TM6SF2: variants seen among roughly 807,000 people sequenced by gnomAD.
TM6SF2 encodes transmembrane 6 superfamily member 2.
In TM6SF2, 29 loss-of-function variants were observed where a neutral mutation model predicts 41.0. The observed-to-expected ratio is 0.71, with a 90% CI of 0.53 to 0.96. TM6SF2 has a LOEUF of 0.96. Ranked by LOEUF, TM6SF2 falls within the 50% of genes least tolerant of loss-of-function variation. The pLI is 0.00. For missense variants in TM6SF2, 475 were observed against 499.0 expected (o/e 0.95, Z 0.46); for synonymous variants, 200 against 209.1 (o/e 0.96, Z 0.37).
In TM6SF2 at chr19:19,270,280, T is replaced by TG. The variant is rs764151271; in HGVS notation, c.298-5dup. ...CTGTGCGCAGGTATGGCTCTCCCTG[T>TG]GGGGGCAGGTGGGAGACTCAGACGG... On this transcript the variant is annotated splice_region_variant and splice_polypyrimidine_tract_variant and intron_variant, in intron 3 of 9. Coordinates refer to ENST00000389363, the MANE Select transcript of TM6SF2 (RefSeq NM_001001524.3). 1 of 1,614,018 alleles carries TG rather than the reference T, an allele frequency of 6.2e-7. No homozygotes were observed. Among genetic ancestry groups the TG allele is most frequent in the African/African-American group, 1.3e-5 (1 of 74,928 alleles).
At position 19,270,374 on chromosome 19, in the gene TM6SF2, C is replaced by T; in HGVS notation, c.268G>A (p.Val90Met). 4 of 1,613,676 alleles carry T rather than the reference C, an allele frequency of 2.5e-6. No individual in the cohort carries two copies. In the South Asian group the frequency reaches 4.4e-5, roughly 18 times the overall value. The change falls in exon 3 of 10, where the codon GTG becomes ATG. Residue 90 changes from valine (V) to methionine (M), a missense_variant. Val to Met is a conservative substitution (Grantham distance 21). Transcript: ENST00000389363. ...IIALQEDSYV[V>M]GFMEFYTKEG... is the part of the protein sequence containing the mutation. ...TTGGTGTAGAACTCCATGAAGCCCA[C>T]CACATAGCTGTCTTCCTGAAGAGCG...
In TM6SF2 at chr19:19,270,207, G is replaced by C; in HGVS notation, c.367C>G (p.Leu123Val). 1 of 1,614,124 alleles carries C rather than the reference G, an allele frequency of 6.2e-7. No homozygotes were observed. The highest frequency in any genetic ancestry group is 1.1e-5 in the South Asian group (1 of 91,064). ...ATGGCGCCGGCCATGGCCAGGTAGA[G>C]GAGGTAGTGAACAGTGCCATCCCAG... ...CYWDGTVHYL[L>V]YLAMAGAICR... The change falls in exon 4 of 10, where the codon CTC becomes GTC. Residue 123 changes from leucine (L) to valine (V), a missense_variant. Physicochemically the swap from Leu to Val is conservative, Grantham distance 32. Transcript: ENST00000389363.
intron 9 of TM6SF2, 46 bp from the exon 10 acceptor site, chr19:19,264,919 C>T (rs1186335669): frequency 7.1e-7 from 1 of 1,417,270 alleles, no homozygotes; most frequent in Non-Finnish European, 9.3e-7. Flanking sequence ...CAGGAAGGAA[C>T]TGAAATCCCA....
rs754831597 is a variant in TM6SF2, at chr19:19,270,304, G to T, written c.298-28C>A. On this transcript the variant is annotated intron_variant, in intron 3 of 9. Transcript: ENST00000389363. ...GTGGGGGCAGGTGGGAGACTCAGAC[G>T]GGCAGTGCGGTAGGGGGCTCCCTGG... 2.5e-6 allele frequency: 4 copies of T among 1,614,186 alleles called. No individual in the cohort carries two copies. In the East Asian group the frequency reaches 6.7e-5, roughly 27 times the overall value.
At position 19,268,019 on chromosome 19, in the gene TM6SF2, G is replaced by A; in HGVS notation, c.678C>T (p.Ile226=). The change falls in exon 7 of 10, where the codon ATC becomes ATT. Residue 226 remains isoleucine (I), a synonymous_variant. Coordinates refer to ENST00000389363, the MANE Select transcript of TM6SF2 (RefSeq NM_001001524.3). The part of the protein sequence containing the change: ...PADLALVIYL[I]LAGFFTLFRG... The stretch of plus-strand genomic sequence containing the variant: ...GGAACAGAGTGAAGAAGCCAGCAAG[G>A]ATGAGATATATGACAAGGGCCAGGT... The A allele has an allele frequency of 6.2e-7, 1 of 1,614,050 alleles. No individual in the cohort carries two copies. The highest frequency in any genetic ancestry group is 1.1e-5 in the South Asian group (1 of 91,074).
In TM6SF2 at chr19:19,273,127, A is replaced by G; in HGVS notation, c.89T>C (p.Leu30Pro). Residue 30 changes from leucine (L) to proline (P), a missense_variant, in exon 1 of 10, where the codon CTC becomes CCC. Leu to Pro is a moderately conservative substitution (Grantham distance 98). Coordinates refer to ENST00000389363, the MANE Select transcript of TM6SF2 (RefSeq NM_001001524.3). ...VSYALNHVSA[L>P]SHPLWVALMS... ...GGCCCCTCTCCGCACGCACTGCGAG[A>G]GCGCCGAGACGTGGTTGAGCGCGTA... is the stretch of plus-strand genomic sequence containing the variant. 2.1e-6 allele frequency: 3 copies of G among 1,412,466 alleles called. No individual in the cohort carries two copies. The highest frequency in any genetic ancestry group is 1.9e-6 in the Non-Finnish European group (2 of 1,078,970). The allele number at this position is 1,412,466 out of a possible 1,614,324, so 87.5% of individuals were successfully genotyped here.
At chr19:19,267,399 AGAAAAGAAAG>A (rs1197474485) in intron 8 of TM6SF2, among the ~76,000 whole-genome samples, 2 of 151,484 alleles carry the variant, frequency 1.3e-5, no homozygotes, top group African/African-American at 2.4e-5. Flanking sequence ...AAAGAAAGAA[AGAAAAGAAAG>A]GAAAAGAAAA....
At position 19,270,280 on chromosome 19, in the gene TM6SF2, TG is replaced by T. The variant is rs764151271; in HGVS notation, c.298-5del. ...CTGTGCGCAGGTATGGCTCTCCCTG[TG>T]GGGGCAGGTGGGAGACTCAGACGGG... On this transcript the variant is annotated splice_polypyrimidine_tract_variant and splice_region_variant and intron_variant, in intron 3 of 9. Coordinates refer to ENST00000389363, the MANE Select transcript of TM6SF2 (RefSeq NM_001001524.3). 2 of 1,614,138 alleles carry T rather than the reference TG, an allele frequency of 1.2e-6. No homozygotes were observed. The highest frequency in any genetic ancestry group is 2.7e-5 in the African/African-American group (2 of 75,050).
Position 19,264,737 on chromosome 19 carries a change from C to A in TM6SF2, c.1061G>T (p.Cys354Phe). ...ALGPHLLAYR[C>F]LQWPAFFHQP... ...GTGGAAGAATGCGGGCCACTGAAGGCAACGGTAGGCCAGCAGGTGGGGGCC... is the reference window on the plus strand; with the variant it reads ...GTGGAAGAATGCGGGCCACTGAAGGAAACGGTAGGCCAGCAGGTGGGGGCC... The change falls in exon 10 of 10, where the codon TGC (cysteine) becomes TTC (phenylalanine). Residue 354 changes from cysteine (C) to phenylalanine (F), a missense_variant. This residue lies in a region of TM6SF2 where 190 missense variants were observed against 190.2 expected (regional missense o/e 1.00). Coordinates refer to ENST00000389363, the MANE Select transcript of TM6SF2 (RefSeq NM_001001524.3). 2 of 1,603,844 alleles carry A rather than the reference C, an allele frequency of 1.2e-6. No homozygotes were observed. The highest frequency in any genetic ancestry group is 1.1e-5 in the South Asian group (1 of 89,292).
chr19:19,267,828 G>T, intron 7 of TM6SF2, 115 bp from the exon 8 acceptor site: 1 of 1,169,370 alleles, frequency 8.6e-7, no homozygotes, highest in Non-Finnish European at 1.2e-6. Flanking sequence ...CTCAAGTTGG[G>T]CTGGCTGGGA....
intron 4 of TM6SF2, 148 bp from the exon 5 acceptor site, chr19:19,269,917 G>C (rs1054088404): frequency 8.6e-6 from 13 of 1,519,774 alleles, no homozygotes; most frequent in African/African-American, 1.4e-5. Flanking sequence ...AGTTGAACGG[G>C]GAAATAACAG....
At position 19,266,522 on chromosome 19, in the gene TM6SF2, A is replaced by C. The variant is rs1449359593; in HGVS notation, c.892T>G (p.Trp298Gly). 1 of 1,613,794 alleles carries C rather than the reference A, an allele frequency of 6.2e-7. No individual in the cohort carries two copies. The highest frequency in any genetic ancestry group is 1.3e-5 in the African/African-American group (1 of 74,944). Reference sequence around the variant, plus strand: ...ATGCCTCCAGCAAACACCAAGGCCCAGTCTGGAAGCCAGGAGCAACCAGGG... The same window carrying C: ...ATGCCTCCAGCAAACACCAAGGCCCCGTCTGGAAGCCAGGAGCAACCAGGG... ...TFPGCSWLPD[W>G]ALVFAGGIGQ... Residue 298 changes from tryptophan to glycine, a missense_variant, in exon 9 of 10, where the codon TGG (tryptophan) becomes GGG (glycine). Transcript: ENST00000389363.
At position 19,266,513 on chromosome 19, in the gene TM6SF2, C is replaced by A. The variant is rs201595252; in HGVS notation, c.901G>T (p.Val301Leu). The A allele has an allele frequency of 5.8e-5, 93 of 1,614,078 alleles. No homozygotes were observed. In the African/African-American group the frequency reaches 9.5e-4, roughly 16 times the overall value. The change falls in exon 9 of 10, where the codon GTG becomes TTG. Residue 301 changes from valine (V) to leucine (L), a missense_variant. By Grantham distance (32) the Val-to-Leu change is conservative (BLOSUM62 1). Transcript: ENST00000389363. ...ACCTGGCCGATGCCTCCAGCAAACACCAAGGCCCAGTCTGGAAGCCAGGAG... is the reference window on the plus strand; with the variant it reads ...ACCTGGCCGATGCCTCCAGCAAACAACAAGGCCCAGTCTGGAAGCCAGGAG... ...GCSWLPDWAL[V>L]FAGGIGQAQF...
At chr19:19,266,420 C>A in intron 9 of TM6SF2, 70 bp downstream of exon 9, 1 of 1,591,142 alleles carries the variant, frequency 6.3e-7, no homozygotes, top group South Asian at 1.1e-5. Flanking sequence ...AGGGAGGACA[C>A]CAAAGGCATT....
In TM6SF2 at chr19:19,269,779, G is replaced by T. The variant is rs200096419; in HGVS notation, c.402-10C>A. The T allele has an allele frequency of 6.2e-7, 1 of 1,613,916 alleles. No individual in the cohort carries two copies. The highest frequency in any genetic ancestry group is 8.5e-7 in the Non-Finnish European group (1 of 1,179,990). ...ATTCCGGTATCTCTTCCTGAGCAGG[G>T]GATGGAGGGGTGACCAGCAGGTAGT... On this transcript the variant is annotated splice_polypyrimidine_tract_variant and intron_variant, in intron 4 of 9. Coordinates refer to ENST00000389363, the MANE Select transcript of TM6SF2 (RefSeq NM_001001524.3).
At chr19:19,272,626 T>C (rs1259370327) in intron 1 of TM6SF2, among the ~76,000 whole-genome samples, 1 of 151,706 alleles carries the variant, frequency 6.6e-6, no homozygotes, top group African/African-American at 2.4e-5. Flanking sequence ...GAACTGAGTC[T>C]AGGGACATGG....
At chr19:19,267,801 G>T in intron 7 of TM6SF2, 88 bp from the exon 8 acceptor site, 1 of 1,323,934 alleles carries the variant, frequency 7.6e-7, no homozygotes, top group Non-Finnish European at 1.1e-6. Context: ...CCCTTGCTCT[G>T]GCCTCTCCCA....
rs1183815600 is a variant in TM6SF2, at chr19:19,264,764, A to G, written c.1034T>C (p.Leu345Pro). 1.6e-5 allele frequency: 25 copies of G among 1,609,652 alleles called. No homozygotes were observed. Among genetic ancestry groups the G allele is most frequent in the Non-Finnish European group, 1.9e-5 (22 of 1,178,166 alleles). Residue 345 changes from leucine to proline, a missense_variant, in exon 10 of 10, where the codon CTG (leucine) becomes CCG (proline). This residue lies in a region of TM6SF2 where 190 missense variants were observed against 190.2 expected (regional missense o/e 1.00). Transcript: ENST00000389363. Reference sequence around the variant, plus strand: ...ACGGTAGGCCAGCAGGTGGGGGCCCAGCGCATACAGCAGATTGCACACGAA... The same window carrying G: ...ACGGTAGGCCAGCAGGTGGGGGCCCGGCGCATACAGCAGATTGCACACGAA... ...CFFVCNLLYALGPHLLAYRCL... is the reference protein window; with the variant it reads ...CFFVCNLLYAPGPHLLAYRCL...
intron 5 of TM6SF2, among the ~76,000 whole-genome samples, 187 bp downstream of exon 5, chr19:19,269,500 C>T (rs564176559): frequency 1.2e-4 from 19 of 152,290 alleles, no homozygotes; most frequent in African/African-American, 4.1e-4. Context: ...TGGGTTCTCC[C>T]GCCTTCCAAG....
Sources: allele counts gnomAD v4.1 joint callset (sites outside exome capture counted in the v4.1 genomes callset), GRCh38; gene constraint gnomAD v4.1.1; regional missense constraint gnomAD v4.1.1; transcripts MANE v1.5; gene names NCBI Gene and HGNC (gene_info 2026-07-23, HGNC 2026-07-21).